The following CDC40 variants were observed in gnomAD, a reference collection of about 807,000 sequenced individuals.
CDC40 encodes the protein cell division cycle 40.
A neutral mutation model predicts 80.6 loss-of-function variants in CDC40; 27 were observed. That is an observed-to-expected ratio of 0.33 (90% CI 0.25 to 0.46). The LOEUF (loss-of-function observed/expected upper bound fraction) is 0.46, where lower values mean the gene tolerates loss of function less well. Among genes scored for constraint, CDC40 ranks in the 20% least tolerant of loss-of-function variants. The pLI is 1.00. For synonymous variants in CDC40, 221 were observed against 232.6 expected, an observed-to-expected ratio of 0.95 and a Z score of 0.45; for missense variants, 486 against 694.1, an observed-to-expected ratio of 0.70 and a Z score of 3.37.
chr6:110,223,095 GT>G (rs1371556569), intron 12 of CDC40, among the ~76,000 whole-genome samples: 3 of 152,076 alleles, frequency 2.0e-5, no homozygotes, highest in Non-Finnish European at 2.9e-5. Flanking sequence ...TTTGTTTTTT[GT>G]TTTTAAGAGA....
At position 110,219,867 on chromosome 6, in the gene CDC40, A is replaced by T. The variant is rs899045589; in HGVS notation, c.1338A>T (p.Glu446Asp). The T allele has an allele frequency of 5.0e-6, 8 of 1,613,090 alleles. No homozygotes were observed. Among genetic ancestry groups the T allele is most frequent in the Non-Finnish European group, 8.5e-7 (1 of 1,179,696 alleles). ...ATGATAAAAGCCTAAGAGTTTGGGA[A>T]TGGTGAGTTTCCATCAGTAGAAAAT... ...TSDDKSLRVW[E>D]WDIPVDFKYI... The change falls in exon 12 of 15, where the codon GAA becomes GAT. Residue 446 changes from glutamate to aspartate, a missense_variant and splice_region_variant. Around this residue, in one of 3 missense-constraint regions of CDC40, gnomAD observed 17 missense variants for 63.3 expected, o/e 0.27. Coordinates refer to ENST00000307731, the MANE Select transcript of CDC40 (RefSeq NM_015891.3).
Position 110,207,603 on chromosome 6 carries a change from A to G in CDC40, c.490+14A>G, listed in dbSNP as rs1465814592. On this transcript the variant is annotated intron_variant, in intron 4 of 14. Transcript: ENST00000307731. ...AAAAAAATCAAGGTAATTTATTTGA[A>G]ACATTTGATATCATATATACCTACA... 1 of 1,307,518 alleles carries G rather than the reference A, an allele frequency of 7.6e-7. No individual in the cohort carries two copies. Among genetic ancestry groups the G allele is most frequent in the Non-Finnish European group, 1.1e-6 (1 of 901,662 alleles). The allele number at this position is 1,307,518 out of a possible 1,614,324, so 81.0% of individuals were successfully genotyped here. A position where few individuals can be genotyped will look rare whatever the true frequency, so the allele number is the denominator to read the frequency against.
In CDC40 at chr6:110,201,677, T is replaced by C. The variant is rs199865078; in HGVS notation, c.396T>C (p.Phe132=). The C allele has an allele frequency of 1.4e-5, 23 of 1,613,702 alleles. No homozygotes were observed. The East Asian group carries it at 5.1e-4, about 36-fold the overall frequency. The stretch of plus-strand genomic sequence containing the variant: ...TGTTTGAGCAGCAAAGGAGAACTTT[T>C]GCAACATATGGTAAGGTGATAAGAC... ...DFMFEQQRRT[F]ATYGYALDPS... Residue 132 remains phenylalanine, a synonymous_variant, in exon 3 of 15, where the codon TTT becomes TTC. Coordinates refer to ENST00000307731, the MANE Select transcript of CDC40 (RefSeq NM_015891.3).
At chr6:110,197,887 T>C (rs1777439223) in intron 2 of CDC40, among the ~76,000 whole-genome samples, 2 of 152,200 alleles carry the variant, frequency 1.3e-5, no homozygotes, top group Non-Finnish European at 2.9e-5. Context: ...GACATGCTGA[T>C]GTCATTTCCT....
At position 110,194,323 on chromosome 6, in the gene CDC40, T is replaced by G. The variant is rs1411210216; in HGVS notation, c.276+1055T>G. ...GATGGAGGTGAGGAGCTATATCTTA[T>G]GGTATCTTGGGGGAAAATGATGTAA... On this transcript the variant is annotated intron_variant, in intron 2 of 14. Transcript: ENST00000307731. Among the ~76,000 whole-genome samples, 9 of 152,358 alleles carry G rather than the reference T, an allele frequency of 5.9e-5. No homozygotes were observed. In the East Asian group the frequency reaches 1.7e-3, roughly 29 times the overall value.
At chr6:110,227,769 G>C (rs922760463) in intron 13 of CDC40, among the ~76,000 whole-genome samples, 1 of 152,202 alleles carries the variant, frequency 6.6e-6, no homozygotes, top group African/African-American at 2.4e-5. Context: ...AAGTAATCGA[G>C]AGGTGATTTA....
chr6:110,226,271 A>AT (rs1439628025), intron 13 of CDC40, 28 bp downstream of exon 13: 1 of 1,366,300 alleles, frequency 7.3e-7, no homozygotes, highest in Non-Finnish European at 1.0e-6. Context: ...TTGTATTTTT[A>AT]AATGAGCTTC....
chr6:110,208,112 C>T (rs1190422748), intron 4 of CDC40, among the ~76,000 whole-genome samples: 2 of 152,160 alleles, frequency 1.3e-5, no homozygotes, highest in African/African-American at 4.8e-5. Flanking sequence ...TCACAAGCCT[C>T]ATCAGTCCAT....
intron 13 of CDC40, 27 bp from the exon 14 acceptor site, chr6:110,228,804 TA>T: frequency 6.5e-7 from 1 of 1,545,478 alleles, no homozygotes. Flanking sequence ...AGTCTTCCTC[TA>T]AAATACCTCA....
chr6:110,227,796 T>A (rs1047758460), intron 13 of CDC40, among the ~76,000 whole-genome samples: 2 of 152,216 alleles, frequency 1.3e-5, no homozygotes, highest in Non-Finnish European at 2.9e-5. Flanking sequence ...ACAGGAGATA[T>A]GTAGGTTATA....
chr6:110,227,702 A>T (rs759558753), intron 13 of CDC40, among the ~76,000 whole-genome samples: 2 of 152,262 alleles, frequency 1.3e-5, no homozygotes, highest in African/African-American at 4.8e-5. Context: ...TACAACAATT[A>T]AAAACAACAC....
chr6:110,221,226 A>G (rs1047454631), intron 12 of CDC40, among the ~76,000 whole-genome samples: 1 of 152,228 alleles, frequency 6.6e-6, no homozygotes, highest in African/African-American at 2.4e-5. Flanking sequence ...CAGCTCAACC[A>G]TGAGTCCTCC....
intron 9 of CDC40, among the ~76,000 whole-genome samples, chr6:110,216,022 G>A (rs762937955): frequency 1.3e-5 from 2 of 152,164 alleles, no homozygotes; most frequent in Non-Finnish European, 2.9e-5. Context: ...TAAGATGATG[G>A]TAAGGTTTTA....
At chr6:110,228,354 A>G (rs1204019267) in intron 13 of CDC40, among the ~76,000 whole-genome samples, 2 of 152,182 alleles carry the variant, frequency 1.3e-5, no homozygotes, top group Non-Finnish European at 2.9e-5. Flanking sequence ...AGCCTTTTAA[A>G]AAGTTACTAT....
Position 110,212,254 on chromosome 6 carries a change from G to A in CDC40, c.849G>A (p.Val283=), listed in dbSNP as rs746677855. The A allele has an allele frequency of 1.1e-5, 18 of 1,613,918 alleles. No individual in the cohort carries two copies. The East Asian group carries it at 3.8e-4, about 34-fold the overall frequency. ...ATCTTCCCAAAAAACAAATTCATGT[G>A]TGGTCTGGACACACAAAGGTAAGCA... is the stretch of plus-strand genomic sequence containing the variant. ...KCYLPKKQIH[V]WSGHTKGVSA... Residue 283 remains valine, a synonymous_variant, in exon 7 of 15, where the codon GTG becomes GTA. Coordinates refer to ENST00000307731, the MANE Select transcript of CDC40 (RefSeq NM_015891.3).
chr6:110,191,873 T>C (rs1280791157), intron 1 of CDC40, among the ~76,000 whole-genome samples: 1 of 152,246 alleles, frequency 6.6e-6, no homozygotes, highest in Non-Finnish European at 1.5e-5. Flanking sequence ...TATTGAAATA[T>C]AATTTGTAGA....
intron 3 of CDC40, among the ~76,000 whole-genome samples, chr6:110,203,751 T>C (rs962654705): frequency 5.9e-5 from 9 of 152,146 alleles, no homozygotes; most frequent in Admixed American, 1.3e-4. Flanking sequence ...ACAGTTTTGC[T>C]TTTAGCTTGC....
intron 13 of CDC40, among the ~76,000 whole-genome samples, chr6:110,227,598 A>G (rs1248965072): frequency 1.3e-5 from 2 of 152,242 alleles, no homozygotes; most frequent in Non-Finnish European, 2.9e-5. Context: ...GTTTACATGT[A>G]CAGTTGGCCC....
chr6:110,211,885 A>G (rs1415799509), intron 6 of CDC40: 1 of 361,632 alleles, frequency 2.8e-6, no homozygotes, highest in East Asian at 5.0e-5. Context: ...AAGTATAGAT[A>G]TTATCTAAAG....
Sources: allele counts gnomAD v4.1 joint callset (sites outside exome capture counted in the v4.1 genomes callset), GRCh38; gene constraint gnomAD v4.1.1; regional missense constraint gnomAD v4.1.1; transcripts MANE v1.5; gene names NCBI Gene and HGNC (gene_info 2026-07-23, HGNC 2026-07-21).